Variants in EPB41 observed in about 807,000 individuals in gnomAD.
The protein encoded by EPB41 is protein 4.1.
A neutral mutation model predicts 108.0 loss-of-function variants in EPB41; 65 were observed. The ratio of observed to expected loss-of-function variants is 0.60; its 90% CI spans 0.49 to 0.74. The LOEUF (loss-of-function observed/expected upper bound fraction) is 0.74, where lower values mean the gene tolerates loss of function less well. Among genes scored for constraint, EPB41 ranks in the 30% least tolerant of loss-of-function variants. EPB41 has a pLI of 0.00. For synonymous variants in EPB41, 336 were observed against 358.9 expected, an observed-to-expected ratio of 0.94 and a Z score of 0.72; for missense variants, 875 against 1,037.0, an observed-to-expected ratio of 0.84 and a Z score of 2.15.
At chr1:29,011,222 G>A (rs1409000130) in intron 4 of EPB41, among the ~76,000 whole-genome samples, 2 of 151,062 alleles carry the variant, frequency 1.3e-5, no homozygotes, top group African/African-American at 2.4e-5. Flanking sequence ...AAAATTAGCC[G>A]GGTGTGGTCG....
intron 16 of EPB41, among the ~76,000 whole-genome samples, chr1:29,073,379 G>A (rs1179002847): frequency 1.3e-5 from 2 of 152,128 alleles, no homozygotes; most frequent in Admixed American, 1.3e-4. Context: ...ACCTAGTAAT[G>A]TGGAGACAAA....
In EPB41 at chr1:28,968,341, A is replaced by G. The variant is rs140637505; in HGVS notation, c.-7-19090A>G. Among the ~76,000 whole-genome samples, 567 of 152,128 alleles carry G rather than the reference A, an allele frequency of 3.7e-3. 6 individuals carry two copies. Among genetic ancestry groups the G allele is most frequent in the African/African-American group, 0.013 (525 of 41,514 alleles). The stretch of plus-strand genomic sequence containing the variant: ...CTGCACTCCAGCCTAGCGATAGAGC[A>G]AGACTCCATCTCAAAACAAACAAAC... On this transcript the variant is annotated intron_variant, in intron 1 of 20. Transcript: ENST00000343067.
At chr1:29,032,612 A>G (rs2096804028) in intron 8 of EPB41, among the ~76,000 whole-genome samples, 1 of 152,212 alleles carries the variant, frequency 6.6e-6, no homozygotes, top group Non-Finnish European at 1.5e-5. Flanking sequence ...ATAGACATAG[A>G]TGATTAATAT....
In EPB41 at chr1:29,076,682, A is replaced by G. The variant is rs112783943; in HGVS notation, c.2184+11524A>G. On this transcript the variant is annotated intron_variant, in intron 16 of 20. Coordinates refer to ENST00000343067, the MANE Select transcript of EPB41 (RefSeq NM_001376013.1). ...CCCACCAGAAAAAGTGATAATAAAT[A>G]TTTGAAGTGTTGTTAATACATCTCT... 1.8e-3 allele frequency among the ~76,000 whole-genome samples: 274 copies of G among 152,336 alleles called. 1 individual carries two copies. The highest frequency in any genetic ancestry group is 0.014 in the Middle Eastern group (4 of 294).
At chr1:28,962,555 C>T (rs2095249353) in intron 1 of EPB41, among the ~76,000 whole-genome samples, 1 of 152,148 alleles carries the variant, frequency 6.6e-6, no homozygotes, top group African/African-American at 2.4e-5. Flanking sequence ...AAACTCTGTA[C>T]CCATTAGCAG....
chr1:29,042,559 A>G (rs1297329537), intron 11 of EPB41, among the ~76,000 whole-genome samples: 2 of 151,904 alleles, frequency 1.3e-5, no homozygotes, highest in Admixed American at 6.6e-5. Context: ...GCTCACTGCA[A>G]CCTCCGCCTC....
intron 1 of EPB41, among the ~76,000 whole-genome samples, chr1:28,898,666 A>C (rs994113340): frequency 1.3e-5 from 2 of 152,142 alleles, no homozygotes; most frequent in African/African-American, 4.8e-5. Context: ...AAAGGAAGGA[A>C]AAGATTAAGA....
intron 12 of EPB41, among the ~76,000 whole-genome samples, chr1:29,055,422 T>C (rs1246480842): frequency 6.6e-6 from 1 of 152,148 alleles, no homozygotes; most frequent in African/African-American, 2.4e-5. Context: ...CCTTCAACAA[T>C]AGGCTCCCTT....
At position 28,950,771 on chromosome 1, in the gene EPB41, C is replaced by T. The variant is rs192699343; in HGVS notation, c.-8+36003C>T. ...AACTAAAAGGCCACATTTCCTACCT[C>T]TCTTTACAGATAGAGGCAGCCTCCC... On this transcript the variant is annotated intron_variant, in intron 1 of 20. Transcript: ENST00000343067. Among the ~76,000 whole-genome samples, 578 of 152,282 alleles carry T rather than the reference C, an allele frequency of 3.8e-3. 4 individuals are homozygous for T. The highest frequency in any genetic ancestry group is 0.014 in the Middle Eastern group (4 of 294).
chr1:29,069,230 T>C (rs1650039951), intron 16 of EPB41: 1 of 1,231,532 alleles, frequency 8.1e-7, no homozygotes, highest in African/African-American at 1.6e-5. Context: ...GTGTTGAACT[T>C]CCAAACTGAT....
At chr1:28,987,972 G>A in intron 2 of EPB41, 67 bp downstream of exon 2, 1 of 1,554,976 alleles carries the variant, frequency 6.4e-7, no homozygotes, top group South Asian at 1.1e-5. Flanking sequence ...TTTCATTTAA[G>A]AGTATTTGGG....
At position 28,905,009 on chromosome 1, in the gene EPB41, C is replaced by T. The variant is rs181989135; in HGVS notation, c.-8+17799C>T. Among the ~76,000 whole-genome samples, 945 of 135,068 alleles carry T rather than the reference C, an allele frequency of 7.0e-3. 4 individuals carry two copies. The highest frequency in any genetic ancestry group is 0.022 in the Middle Eastern group (5 of 230). The allele number at this position is 135,068 out of a possible 152,430, so 88.6% of individuals were successfully genotyped here. On this transcript the variant is annotated intron_variant, in intron 1 of 16. Transcript: ENST00000347529. ...TCATGCCACTGCACTCCAGCCTGGG[C>T]GACAGAACGAGACTCTGTCTCAAAA...
intron 1 of EPB41, among the ~76,000 whole-genome samples, chr1:28,947,765 C>T (rs1412404513): frequency 6.6e-6 from 1 of 152,122 alleles, no homozygotes; most frequent in African/African-American, 2.4e-5. Context: ...TCGGAGGTTG[C>T]AGTGAGCTAA....
intron 1 of EPB41, among the ~76,000 whole-genome samples, chr1:28,916,398 G>A (rs2092674802): frequency 6.6e-6 from 1 of 152,224 alleles, no homozygotes; most frequent in South Asian, 2.1e-4. Context: ...CACTTTGGGA[G>A]GCCAAGGCGG....
intron 1 of EPB41, among the ~76,000 whole-genome samples, chr1:28,909,371 G>A (rs2092095628): frequency 6.6e-6 from 1 of 152,068 alleles, no homozygotes; most frequent in Non-Finnish European, 1.5e-5. Context: ...GGGAGGATGA[G>A]GTGGGTGGTT....
chr1:28,905,117 A>G (rs2091680586), intron 1 of EPB41, among the ~76,000 whole-genome samples: 1 of 151,178 alleles, frequency 6.6e-6, no homozygotes, highest in South Asian at 2.1e-4. Context: ...GAGACTAGCT[A>G]GAACCCGGGA....
intron 1 of EPB41, chr1:28,889,689 G>T: frequency 4.5e-6 from 2 of 446,346 alleles, no homozygotes; most frequent in Non-Finnish European, 5.9e-6. Flanking sequence ...AACCTAGGCT[G>T]CAGGGTGAGA....
chr1:29,101,232 G>GA (rs1053043616), intron 17 of EPB41, among the ~76,000 whole-genome samples: 19 of 148,748 alleles, frequency 1.3e-4, no homozygotes, highest in Non-Finnish European at 2.1e-4. Flanking sequence ...CTCAAAAAAA[G>GA]AAAAAAAAAG....
intron 11 of EPB41, among the ~76,000 whole-genome samples, chr1:29,050,577 C>T (rs1054506984): frequency 3.9e-5 from 6 of 152,236 alleles, no homozygotes; most frequent in African/African-American, 1.4e-4. Context: ...GCTTAAAGCA[C>T]CCATTAGTAG....
Sources: gnomAD v4.1 joint callset for allele counts (sites outside exome capture counted in the v4.1 genomes callset) on GRCh38, gnomAD v4.1.1 for gene constraint, MANE v1.5 for transcripts, NCBI Gene and HGNC (gene_info 2026-07-23, HGNC 2026-07-21) for gene names.